DOCK5: variants seen among roughly 807,000 people sequenced by gnomAD.
DOCK5 encodes dedicator of cytokinesis protein 5.
A neutral mutation model predicts 251.8 loss-of-function variants in DOCK5; 142 were observed. That is an observed-to-expected ratio of 0.56 (90% CI 0.49 to 0.65). The LOEUF is 0.65. DOCK5 is among the 30% of genes least tolerant of loss of function. The probability of loss-of-function intolerance (pLI) is 0.00; values close to 1 mark genes in which losing one functional copy is unlikely to be tolerated. For missense variants in DOCK5, 2,111 were observed against 2,312.3 expected, an observed-to-expected ratio of 0.91 and a Z score of 1.79; for synonymous variants, 842 against 835.5, an observed-to-expected ratio of 1.01 and a Z score of -0.13.
intron 1 of DOCK5, among the ~76,000 whole-genome samples, chr8:25,189,042 C>CTTTTTTTTT (rs1432735816): frequency 3.1e-5 from 3 of 97,642 alleles, no homozygotes; most frequent in Non-Finnish European, 4.4e-5. Flanking sequence ...TTCTTTCTTT[C>CTTTTTTTTT]TTTCTTTTTT....
At position 25,400,014 on chromosome 8, in the gene DOCK5, T is replaced by TG; in HGVS notation, c.4788+20_4788+21insG. On this transcript the variant is annotated intron_variant, in intron 46 of 51. Transcript: ENST00000276440. ...TTACAGGTACAGGACGGCTTTCCTC[T>TG]ACACTCCCAGGGAGGCCACAGTGTG... 2.5e-6 allele frequency: 4 copies of TG among 1,606,834 alleles called. No individual in the cohort carries two copies. The highest frequency in any genetic ancestry group is 3.4e-6 in the Non-Finnish European group (4 of 1,174,410).
intron 3 of DOCK5, among the ~76,000 whole-genome samples, chr8:25,271,971 A>G (rs1803923945): frequency 6.6e-6 from 1 of 152,226 alleles, no homozygotes; most frequent in Admixed American, 6.5e-5. Flanking sequence ...TGTAACAAAT[A>G]CACACATACT....
At chr8:25,408,254 A>G (rs1801557994) in intron 49 of DOCK5, 100 bp downstream of exon 49, 3 of 1,327,198 alleles carry the variant, frequency 2.3e-6, no homozygotes, top group South Asian at 1.5e-5. Flanking sequence ...AAGCTGGGCT[A>G]TGGCTTGTTT....
At chr8:25,205,403 C>T (rs1400550034) in intron 1 of DOCK5, among the ~76,000 whole-genome samples, 1 of 152,150 alleles carries the variant, frequency 6.6e-6, no homozygotes, top group Non-Finnish European at 1.5e-5. Flanking sequence ...CTTCCAGCCC[C>T]CAGAGCTGTT....
At chr8:25,254,279 A>C (rs1803352510) in intron 2 of DOCK5, among the ~76,000 whole-genome samples, 1 of 152,204 alleles carries the variant, frequency 6.6e-6, no homozygotes, top group Admixed American at 6.5e-5. Flanking sequence ...AAAGGTGTAA[A>C]ACTCTTAGAA....
chr8:25,255,316 G>C (rs914005126), intron 2 of DOCK5, among the ~76,000 whole-genome samples: 2 of 152,202 alleles, frequency 1.3e-5, no homozygotes, highest in Non-Finnish European at 2.9e-5. Context: ...ATGTTCTTCA[G>C]TAGGTGAATG....
At chr8:25,339,384 T>C (rs1805894366) in intron 22 of DOCK5, among the ~76,000 whole-genome samples, 1 of 152,190 alleles carries the variant, frequency 6.6e-6, no homozygotes, top group African/African-American at 2.4e-5. Context: ...GTGTTCTGCA[T>C]TGGTGCAGGG....
At chr8:25,385,205 G>C (rs17053546) in intron 40 of DOCK5, among the ~76,000 whole-genome samples, 8,779 of 152,220 alleles carry the variant, frequency 0.058, 292 homozygotes, top group Non-Finnish European at 0.077. Flanking sequence ...CATCCTGAGA[G>C]CAGTGGGAGC....
chr8:25,206,326 A>G (rs971290114), intron 1 of DOCK5, among the ~76,000 whole-genome samples: 27 of 152,258 alleles, frequency 1.8e-4, no homozygotes, highest in Non-Finnish European at 3.4e-4. Context: ...TTAACCATTC[A>G]TGCTGCAATA....
chr8:25,217,037 T>C (rs1802262305), intron 1 of DOCK5, among the ~76,000 whole-genome samples: 1 of 143,680 alleles, frequency 7.0e-6, no homozygotes, highest in South Asian at 2.1e-4. Context: ...GTATACAATA[T>C]GTGTATACAT....
rs79426801 is a variant in DOCK5 at position 25,261,617 on chromosome 8, A to G, written c.128-7228A>G. ...TTTTACATTAAAGAAAAAGTGCAGT[A>G]AAATTTACAAGCAACAAAAGGCATT... is the stretch of plus-strand genomic sequence containing the variant. On this transcript the variant is annotated intron_variant, in intron 2 of 51. Transcript: ENST00000276440. 8.9e-3 allele frequency among the ~76,000 whole-genome samples: 1,353 copies of G among 152,346 alleles called. 23 individuals are homozygous for G. The highest frequency in any genetic ancestry group is 0.031 in the African/African-American group (1,294 of 41,574).
chr8:25,339,092 C>T (rs541867696), intron 22 of DOCK5, among the ~76,000 whole-genome samples: 127 of 152,226 alleles, frequency 8.3e-4, no homozygotes, highest in Non-Finnish European at 1.5e-3. Context: ...TGGCAATGTG[C>T]GTCCCCTGGT....
intron 40 of DOCK5, among the ~76,000 whole-genome samples, chr8:25,385,009 AG>A (rs1404315484): frequency 6.6e-6 from 1 of 152,154 alleles, no homozygotes; most frequent in Non-Finnish European, 1.5e-5. Context: ...GTAAGCTGGG[AG>A]TGGAGCAGGT....
intron 1 of DOCK5, among the ~76,000 whole-genome samples, chr8:25,185,206 A>G (rs1207890427): frequency 2.0e-5 from 3 of 151,990 alleles, no homozygotes; most frequent in Admixed American, 6.5e-5. Flanking sequence ...TTGCATCCCA[A>G]TCTCCGGCAC....
intron 25 of DOCK5, among the ~76,000 whole-genome samples, chr8:25,342,930 C>T (rs959368155): frequency 1.3e-5 from 2 of 151,610 alleles, no homozygotes; most frequent in African/African-American, 4.8e-5. Context: ...TGGTCTTGAT[C>T]TCCTGACCTC....
chr8:25,297,947 C>T (rs74711499), intron 7 of DOCK5, among the ~76,000 whole-genome samples: 12,451 of 151,562 alleles, frequency 0.082, 1,629 homozygotes, highest in African/African-American at 0.28. Flanking sequence ...GTCCCAGCTA[C>T]CCAGGAGGCT....
intron 1 of DOCK5, among the ~76,000 whole-genome samples, chr8:25,187,219 A>G (rs1416271853): frequency 6.8e-6 from 1 of 147,738 alleles, no homozygotes; most frequent in Non-Finnish European, 1.5e-5. Context: ...AACTATATAT[A>G]CATATATATA....
chr8:25,366,103 TA>T (rs971067596), intron 30 of DOCK5, among the ~76,000 whole-genome samples: 1 of 152,236 alleles, frequency 6.6e-6, no homozygotes, highest in African/African-American at 2.4e-5. Context: ...ATGATGTATT[TA>T]ACCAAATTCT....
chr8:25,391,947 G>C lies in DOCK5; in HGVS notation c.4407G>C (p.Arg1469=). ...AGTTCAGATACTCCCGGCCGTTCCGGAAAGGAGAAAAGGATCCAGACAATG... is the reference window on the plus strand; with the variant it reads ...AGTTCAGATACTCCCGGCCGTTCCGCAAAGGAGAAAAGGATCCAGACAATG... The part of the protein sequence containing the change: ...VQQFRYSRPF[R]KGEKDPDNEF... Residue 1469 remains arginine (R), a synonymous_variant, in exon 43 of 52, where the codon CGG becomes CGC. Coordinates refer to ENST00000276440, the MANE Select transcript of DOCK5 (RefSeq NM_024940.8). 1 of 1,613,908 alleles carries C rather than the reference G, an allele frequency of 6.2e-7. No individual in the cohort carries two copies. Among genetic ancestry groups the C allele is most frequent in the Non-Finnish European group, 8.5e-7 (1 of 1,179,852 alleles).
Sources: gnomAD v4.1 joint callset for allele counts (sites outside exome capture counted in the v4.1 genomes callset) on GRCh38, gnomAD v4.1.1 for gene constraint, MANE v1.5 for transcripts, NCBI Gene and HGNC (gene_info 2026-07-23, HGNC 2026-07-21) for gene names.